FGF14: variants seen among roughly 807,000 people sequenced by gnomAD.
The protein encoded by FGF14 is fibroblast growth factor homologous factor 4.
In FGF14, 5 loss-of-function variants were observed where a neutral mutation model predicts 25.5. The observed-to-expected ratio is 0.20, with a 90% confidence interval of 0.10 to 0.41. FGF14 has a LOEUF of 0.41. Ranked by LOEUF, FGF14 falls within the 10% of genes least tolerant of loss-of-function variation. FGF14 has a pLI of 1.00. For synonymous variants in FGF14, 138 were observed against 118.3 expected, an observed-to-expected ratio of 1.17 and a Z score of -1.08; for missense variants, 222 against 320.1, an observed-to-expected ratio of 0.69 and a Z score of 2.34.
intron 1 of FGF14, among the ~76,000 whole-genome samples, chr13:102,196,735 A>ATGCAT (rs2049370806): frequency 2.0e-5 from 3 of 152,076 alleles, no homozygotes; most frequent in African/African-American, 7.2e-5. Flanking sequence ...ATGTAATGCA[A>ATGCAT]TCGTATTTAT....
intron 1 of FGF14, among the ~76,000 whole-genome samples, chr13:101,925,371 A>T (rs1240884091): frequency 6.6e-6 from 1 of 152,194 alleles, no homozygotes. Context: ...GGGACTACAT[A>T]TTCTACATTC....
chr13:102,286,002 A>C (rs2054077394), intron 1 of FGF14, among the ~76,000 whole-genome samples: 1 of 152,246 alleles, frequency 6.6e-6, no homozygotes, highest in Non-Finnish European at 1.5e-5. Flanking sequence ...AAGGAAGGAA[A>C]ACTCACTGGA....
chr13:101,857,436 C>A (rs969359819), intron 3 of FGF14, among the ~76,000 whole-genome samples: 7 of 151,988 alleles, frequency 4.6e-5, no homozygotes, highest in Admixed American at 4.6e-4. Context: ...GTGGAGTGGT[C>A]AAATCTTAAA....
At chr13:102,275,234 T>TTCTCTCTCTCTCTCTCCC (rs2053457008) in intron 1 of FGF14, among the ~76,000 whole-genome samples, 1 of 67,448 alleles carries the variant, frequency 1.5e-5, no homozygotes, top group African/African-American at 6.4e-5. Context: ...TTAGGCAGAT[T>TTCTCTCTCTCTCTCTCCC]TCTCTCTCTC....
chr13:101,828,671 C>T (rs2042525019), intron 3 of FGF14, among the ~76,000 whole-genome samples: 1 of 152,044 alleles, frequency 6.6e-6, no homozygotes, highest in African/African-American at 2.4e-5. Flanking sequence ...TAACCATGAT[C>T]TCCCAAATGG....
chr13:102,225,127 C>A (rs942314493), intron 1 of FGF14, among the ~76,000 whole-genome samples: 2 of 152,094 alleles, frequency 1.3e-5, no homozygotes, highest in African/African-American at 4.8e-5. Flanking sequence ...GCTCCTCCTC[C>A]TGTGAGTTTT....
chr13:101,781,493 GGAAA>G (rs1417046833), intron 3 of FGF14, among the ~76,000 whole-genome samples: 2 of 152,156 alleles, frequency 1.3e-5, no homozygotes, highest in Non-Finnish European at 2.9e-5. Context: ...TAAAAAAGCA[GGAAA>G]GAGTCAGGGA....
intron 3 of FGF14, among the ~76,000 whole-genome samples, chr13:101,834,274 A>G (rs1011330567): frequency 6.7e-6 from 1 of 149,830 alleles, no homozygotes; most frequent in African/African-American, 2.5e-5. Flanking sequence ...TACTTTGCAC[A>G]TTTGCATCAA....
chr13:102,256,189 C>A (rs1056576526), intron 1 of FGF14, among the ~76,000 whole-genome samples: 1 of 151,964 alleles, frequency 6.6e-6, no homozygotes, highest in Non-Finnish European at 1.5e-5. Context: ...GAGAACAGGT[C>A]ACATACATTC....
Position 102,077,736 on chromosome 13 carries a change from A to C in FGF14, c.209-202440T>G, listed in dbSNP as rs568942047. Among the ~76,000 whole-genome samples, 6 of 152,316 alleles carry C rather than the reference A, an allele frequency of 3.9e-5. No individual in the cohort carries two copies. The South Asian group carries it at 1.2e-3, about 32-fold the overall frequency. The stretch of plus-strand genomic sequence containing the variant: ...ATGGAAGACAATATGGAGGTTCCTC[A>C]AAAAATTAAAAATAGAACTATCACA... On this transcript the variant is annotated intron_variant, in intron 1 of 4. Transcript: ENST00000376131.
At chr13:102,374,647 TATATATATATATATATATATATA>T (rs1566971029) in intron 1 of FGF14, among the ~76,000 whole-genome samples, 13 of 1,454 alleles carry the variant, frequency 8.9e-3, no homozygotes, top group African/African-American at 0.031. Flanking sequence ...ACATATTTTA[TATATATATATATATATATATATA>T]TATATATATA....
chr13:101,886,034 A>C (rs185155574), intron 1 of FGF14, among the ~76,000 whole-genome samples: 18 of 152,246 alleles, frequency 1.2e-4, no homozygotes, highest in Admixed American at 3.9e-4. Context: ...CTCCTCCTTT[A>C]ATTTCAGCTC....
chr13:101,860,246 C>T (rs942434139), intron 3 of FGF14, among the ~76,000 whole-genome samples: 1 of 152,080 alleles, frequency 6.6e-6, no homozygotes, highest in African/African-American at 2.4e-5. Context: ...TTGTCTTTCT[C>T]TATACCATCT....
chr13:102,137,307 CTT>C (rs1385651442), intron 1 of FGF14, among the ~76,000 whole-genome samples: 1 of 152,226 alleles, frequency 6.6e-6, no homozygotes, highest in Non-Finnish European at 1.5e-5. Flanking sequence ...TGTTTATTGA[CTT>C]TGCACAACTA....
intron 3 of FGF14, among the ~76,000 whole-genome samples, chr13:101,749,201 G>T (rs552964058): frequency 6.6e-6 from 1 of 151,986 alleles, no homozygotes; most frequent in Non-Finnish European, 1.5e-5. Context: ...TTTCAGATTC[G>T]CAGGGTGAGA....
At position 101,916,845 on chromosome 13, in the gene FGF14, G is replaced by T. The variant is rs917939998; in HGVS notation, c.-200C>A. 6.6e-6 allele frequency among the ~76,000 whole-genome samples: 1 copy of T among 152,144 alleles called. No individual in the cohort carries two copies. Among genetic ancestry groups the T allele is most frequent in the Non-Finnish European group, 1.5e-5 (1 of 68,006 alleles). On this transcript the variant is annotated 5_prime_UTR_variant, in exon 1 of 5. Transcript: ENST00000376143. ...CTCTCCGCGGGGCGCGGGGCCAGGC[G>T]CGCAGATGCGCCCAGGGCGCAGCCG...
intron 1 of FGF14, among the ~76,000 whole-genome samples, chr13:101,997,986 C>T (rs942901675): frequency 1.3e-5 from 2 of 151,936 alleles, no homozygotes; most frequent in Non-Finnish European, 2.9e-5. Flanking sequence ...ATCATCACAC[C>T]CCTTTGTGTG....
intron 1 of FGF14, among the ~76,000 whole-genome samples, chr13:101,901,961 A>G (rs891000865): frequency 1.3e-5 from 2 of 152,210 alleles, no homozygotes; most frequent in Non-Finnish European, 2.9e-5. Context: ...GAGTTTGGAC[A>G]TATTCATATA....
intron 3 of FGF14, among the ~76,000 whole-genome samples, chr13:101,812,589 CTATT>C (rs955894585): frequency 9.3e-6 from 1 of 107,782 alleles, no homozygotes; most frequent in Non-Finnish European, 1.8e-5. Context: ...ACATATATCA[CTATT>C]TTTTTATATT....
Sources: gnomAD v4.1 joint callset for allele counts (sites outside exome capture counted in the v4.1 genomes callset) on GRCh38, gnomAD v4.1.1 for gene constraint, MANE v1.5 for transcripts, NCBI Gene and HGNC (gene_info 2026-07-23, HGNC 2026-07-21) for gene names.